Variants in NYAP2 observed in about 807,000 individuals in gnomAD.
NYAP2 encodes neuronal tyrosine-phosphorylated phosphoinositide-3-kinase adaptor 2.
In NYAP2, 23 loss-of-function variants were observed where a neutral mutation model predicts 50.4. The observed-to-expected ratio is 0.46, with a 90% CI of 0.33 to 0.65. NYAP2 has a LOEUF of 0.65. NYAP2 is among the 30% of genes least tolerant of loss of function. The probability of loss-of-function intolerance (pLI) is 0.02; values close to 1 mark genes in which losing one functional copy is unlikely to be tolerated. For missense variants in NYAP2, 885 were observed against 861.0 expected (o/e 1.03, Z -0.35); for synonymous variants, 394 against 365.2 (o/e 1.08, Z -0.90).
the NYAP2 span, among the ~76,000 whole-genome samples, chr2:225,690,011 A>T: frequency 6.6e-6 from 1 of 152,156 alleles, no homozygotes; most frequent in Admixed American, 6.5e-5. Context: ...GCCCACTTAG[A>T]TTACCTGTTC....
chr2:225,428,029 G>C (rs910441512), intron 3 of NYAP2, among the ~76,000 whole-genome samples: 6 of 152,112 alleles, frequency 3.9e-5, no homozygotes, highest in African/African-American at 1.4e-4. Flanking sequence ...TGCAGATCAA[G>C]GTAACATTTC....
chr2:225,573,344 A>T (rs1002489574), intron 4 of NYAP2, among the ~76,000 whole-genome samples: 1 of 148,210 alleles, frequency 6.7e-6, no homozygotes, highest in Admixed American at 6.9e-5. Context: ...TTCTGCCTCC[A>T]TGGTTCAAAC....
intron 5 of NYAP2, among the ~76,000 whole-genome samples, chr2:225,626,605 AAG>A (rs1290423124): frequency 1.3e-5 from 2 of 152,162 alleles, no homozygotes; most frequent in Non-Finnish European, 2.9e-5. Flanking sequence ...TTAGAAAGTA[AAG>A]AGAGTGAGTG....
At chr2:225,637,015 C>T (rs1011862302) in intron 6 of NYAP2, among the ~76,000 whole-genome samples, 6 of 152,146 alleles carry the variant, frequency 3.9e-5, no homozygotes, top group Non-Finnish European at 5.9e-5. Flanking sequence ...TGGCGTGACA[C>T]AGATACCATG....
chr2:225,523,430 T>C lies in NYAP2; in HGVS notation c.523+9758T>C, dbSNP rs7355612. Among the ~76,000 whole-genome samples, 1,137 of 152,002 alleles carry C rather than the reference T, an allele frequency of 7.5e-3. 12 individuals carry two copies. The highest frequency in any genetic ancestry group is 0.024 in the African/African-American group (1,012 of 41,498). ...ACATCAATAAAATTTTATATGTATA[T>C]ATATCTAGCTGAGGACCAATTCAAA... On this transcript the variant is annotated intron_variant, in intron 4 of 6. Transcript: ENST00000636099.
At chr2:225,658,670 G>A (rs1255137303), downstream of NYAP2, among the ~76,000 whole-genome samples, 1 of 152,146 alleles carries the variant, frequency 6.6e-6, no homozygotes, top group African/African-American at 2.4e-5. Context: ...TTATAAAAAT[G>A]TTAGGCTTTA....
At chr2:225,537,076 C>A (rs552903680) in intron 4 of NYAP2, among the ~76,000 whole-genome samples, 1 of 152,240 alleles carries the variant, frequency 6.6e-6, no homozygotes, top group African/African-American at 2.4e-5. Flanking sequence ...CTGAGCCCGG[C>A]CTTATTCATT....
At chr2:225,641,644 C>G (rs1026870275) in intron 6 of NYAP2, among the ~76,000 whole-genome samples, 6 of 152,054 alleles carry the variant, frequency 3.9e-5, no homozygotes, top group Non-Finnish European at 8.8e-5. Flanking sequence ...AAAACCCCAT[C>G]TCTACTAAAA....
At chr2:225,538,188 A>G (rs1287158059) in intron 4 of NYAP2, among the ~76,000 whole-genome samples, 3 of 152,184 alleles carry the variant, frequency 2.0e-5, no homozygotes, top group Non-Finnish European at 4.4e-5. Context: ...CCATTCTGGA[A>G]TCAGGAGGAT....
chr2:225,582,977 C>T lies in NYAP2; in HGVS notation c.1560C>T (p.Ser520=), dbSNP rs1376243824. The change falls in exon 5 of 7, where the codon TCC becomes TCT. Residue 520 remains serine, a synonymous_variant. Transcript: ENST00000636099. The surrounding 1 kb of genome is among the most constrained non-coding windows in gnomAD (Gnocchi z 7.0). ...AGGAGCTGACCAGCCTCTTCTCCTCCGGCCGCAGCCTGCTGCGCAAGTCGT... is the reference window on the plus strand; with the variant it reads ...AGGAGCTGACCAGCCTCTTCTCCTCTGGCCGCAGCCTGCTGCGCAAGTCGT... The T allele has an allele frequency of 5.0e-6, 8 of 1,612,220 alleles. No homozygotes were observed. In the East Asian group the frequency reaches 6.7e-5, roughly 13 times the overall value.
At chr2:225,412,400 G>C (rs1695061299) in intron 3 of NYAP2, among the ~76,000 whole-genome samples, 1 of 151,380 alleles carries the variant, frequency 6.6e-6, no homozygotes, top group South Asian at 2.1e-4. Flanking sequence ...ATTACTGTTA[G>C]AGTGTCCTTG....
intron 2 of NYAP2, among the ~76,000 whole-genome samples, chr2:225,407,157 C>T (rs1215667223): frequency 1.3e-5 from 2 of 151,996 alleles, no homozygotes; most frequent in African/African-American, 2.4e-5. Context: ...GAAGTGAATT[C>T]CTGACAATGG....
At chr2:225,663,767 A>G in the NYAP2 span, among the ~76,000 whole-genome samples, 1 of 152,100 alleles carries the variant, frequency 6.6e-6, no homozygotes. Context: ...CATGTTGGCC[A>G]GGATGGTCTT....
intron 5 of NYAP2, among the ~76,000 whole-genome samples, chr2:225,621,188 C>A (rs554681067): frequency 6.6e-6 from 1 of 150,836 alleles, no homozygotes; most frequent in South Asian, 2.1e-4. Context: ...GAGGCTATGA[C>A]GTTTGGAAGC....
chr2:225,590,147 C>A (rs1692471968), intron 5 of NYAP2, among the ~76,000 whole-genome samples: 2 of 152,212 alleles, frequency 1.3e-5, no homozygotes, highest in African/African-American at 2.4e-5. Context: ...TAAAGGTTAA[C>A]CCCTTTTCGG....
intron 4 of NYAP2, among the ~76,000 whole-genome samples, chr2:225,525,304 T>A (rs969471487): frequency 1.4e-4 from 22 of 152,290 alleles, no homozygotes; most frequent in African/African-American, 4.8e-4. Context: ...TTTGTGGTAG[T>A]TCATTACACA....
chr2:225,501,487 G>C (rs1298026462), intron 3 of NYAP2, among the ~76,000 whole-genome samples: 4 of 152,174 alleles, frequency 2.6e-5, no homozygotes, highest in Admixed American at 1.3e-4. Context: ...TCTAATTTGA[G>C]GTGAAGATAA....
At chr2:225,519,147 G>A (rs1318766154) in intron 4 of NYAP2, among the ~76,000 whole-genome samples, 1 of 151,548 alleles carries the variant, frequency 6.6e-6, no homozygotes, top group Non-Finnish European at 1.5e-5. Flanking sequence ...TATTCCCCAG[G>A]CAAAATAACC....
intron 4 of NYAP2, among the ~76,000 whole-genome samples, chr2:225,520,672 G>A (rs1038350850): frequency 2.9e-4 from 44 of 152,300 alleles, no homozygotes; most frequent in South Asian, 2.3e-3. Flanking sequence ...TTTGGTTACT[G>A]TAGCCTTGTA....
Sources: gnomAD v4.1 joint callset for allele counts (sites outside exome capture counted in the v4.1 genomes callset) on GRCh38, gnomAD v4.1.1 for gene constraint, Gnocchi (gnomAD v3.1) non-coding constraint, MANE v1.5 for transcripts, NCBI Gene and HGNC (gene_info 2026-07-23, HGNC 2026-07-21) for gene names.